Variants in RADIL observed in about 807,000 individuals in gnomAD.
The protein encoded by RADIL is ras-associating and dilute domain-containing protein.
Under a neutral mutation model 97.6 loss-of-function variants are expected in RADIL, and 99 were observed. That is an observed-to-expected ratio of 1.01 (90% CI 0.86 to 1.20). The LOEUF (loss-of-function observed/expected upper bound fraction) is 1.20. RADIL is among the 50% of genes most tolerant of loss of function. The pLI is 0.00. For missense variants in RADIL, 1,765 were observed against 1,498.9 expected, an observed-to-expected ratio of 1.18 and a Z score of -2.93; for synonymous variants, 803 against 691.8, an observed-to-expected ratio of 1.16 and a Z score of -2.52.
At chr7:4,808,545 A>G (rs548297326) in intron 9 of RADIL, 24 of 971,386 alleles carry the variant, frequency 2.5e-5, no homozygotes, top group Middle Eastern at 1.1e-3. Flanking sequence ...CAAAACAAAG[A>G]AGGAGATGGG....
chr7:4,849,490 C>T lies in RADIL; in HGVS notation c.536-12885G>A, dbSNP rs1189580413. Among the ~76,000 whole-genome samples the T allele has an allele frequency of 2.0e-5, 3 of 152,156 alleles. No homozygotes were observed. Among genetic ancestry groups the T allele is most frequent in the African/African-American group, 7.2e-5 (3 of 41,456 alleles). ...TGTATTCTGTGGAATGTCGGCCAGG[C>T]TGCAGCTGTGAGGCTACAGCTTGGT... is the stretch of plus-strand genomic sequence containing the variant. On this transcript the variant is annotated intron_variant, in intron 2 of 14. Transcript: ENST00000399583. This position sits in a 1 kb window ranked among gnomAD's most constrained non-coding sequence, Gnocchi z 5.4.
intron 2 of RADIL, among the ~76,000 whole-genome samples, chr7:4,866,839 G>C (rs562722520): frequency 4.9e-4 from 75 of 152,316 alleles, no homozygotes; most frequent in African/African-American, 1.4e-3. Context: ...AGGTGTTTGG[G>C]TCATGGGGAC....
chr7:4,848,358 T>A (rs540772127), intron 2 of RADIL, among the ~76,000 whole-genome samples: 191 of 149,902 alleles, frequency 1.3e-3, no homozygotes, highest in East Asian at 4.9e-3. Flanking sequence ...AAAAGTTTTT[T>A]AAAAAAAAAA....
Position 4,798,550 on chromosome 7 carries a change from C to G in RADIL, c.*828G>C, listed in dbSNP as rs79520630. 0.048 allele frequency: 7,260 copies of G among 152,798 alleles called. 302 individuals are homozygous for G. The highest frequency in any genetic ancestry group is 0.11 in the African/African-American group (4,621 of 41,578). 9.5% of individuals were successfully genotyped at this position (152,798 alleles called of 1,614,324 possible). A position where few individuals can be genotyped will look rare whatever the true frequency, so the allele number is the denominator to read the frequency against. On this transcript the variant is annotated 3_prime_UTR_variant, in exon 15 of 15. Coordinates refer to ENST00000399583, the MANE Select transcript of RADIL (RefSeq NM_018059.5). ...GACCCACGCTGTCACCCCGAGGCAG[C>G]AAGTGCCCTGCCCTGGTCCTGCGCA...
Position 4,836,556 on chromosome 7 carries a change from G to T in RADIL, c.585C>A (p.Thr195=), listed in dbSNP as rs1016382027. The T allele has an allele frequency of 2.5e-6, 4 of 1,607,656 alleles. No homozygotes were observed. Among genetic ancestry groups the T allele is most frequent in the Non-Finnish European group, 3.4e-6 (4 of 1,179,536 alleles). The change falls in exon 3 of 15, where the codon ACC becomes ACA. Residue 195 remains threonine (T), a synonymous_variant. Transcript: ENST00000399583. ...GGGCATCCCCCAGGGCCGGGGTCGG[G>T]GTTCCCTTCGCGCGACTCCGCTGCA... ...RRLQRSRAKG[T]PTPALGDARS... is the part of the protein sequence containing the mutation.
rs1562433858 is a variant in RADIL, at chr7:4,815,794, C to T, written c.1967-344G>A. 6.6e-6 allele frequency among the ~76,000 whole-genome samples: 1 copy of T among 152,148 alleles called. No homozygotes were observed. Among genetic ancestry groups the T allele is most frequent in the Non-Finnish European group, 1.5e-5 (1 of 68,014 alleles). ...TCCCCACGCCCCACAGTGGCCCTGGCTGGGAGTGGCCAGTGCTCCTGAGCC... is the reference window on the plus strand; with the variant it reads ...TCCCCACGCCCCACAGTGGCCCTGGTTGGGAGTGGCCAGTGCTCCTGAGCC... On this transcript the variant is annotated intron_variant, in intron 8 of 14. Coordinates refer to ENST00000399583, the MANE Select transcript of RADIL (RefSeq NM_018059.5). The surrounding 1 kb of genome is among the most constrained non-coding windows in gnomAD (Gnocchi z 8.0).
At chr7:4,832,049 G>A (rs1252602380) in intron 5 of RADIL, 92 bp downstream of exon 5, 9 of 1,384,278 alleles carry the variant, frequency 6.5e-6, no homozygotes, top group Non-Finnish European at 9.1e-6. Flanking sequence ...CCCAAGGCGT[G>A]GGGAGACCCC....
chr7:4,841,375 G>T (rs978089942), intron 2 of RADIL, among the ~76,000 whole-genome samples: 3 of 152,224 alleles, frequency 2.0e-5, no homozygotes, highest in African/African-American at 2.4e-5. Flanking sequence ...CAGCCAGGGA[G>T]GGGAGCCACT....
At position 4,880,877 on chromosome 7, in the gene RADIL, G is replaced by T. The variant is rs1431016337; in HGVS notation, c.-64-2674C>A. ...TTTAAAAGGCCAAGGCAGGAGAATGGCTTAAGGCCAGGAGTTCAAGACTAG... is the reference window on the plus strand; with the variant it reads ...TTTAAAAGGCCAAGGCAGGAGAATGTCTTAAGGCCAGGAGTTCAAGACTAG... On this transcript the variant is annotated intron_variant, in intron 1 of 14. Transcript: ENST00000399583. This position sits in a 1 kb window ranked among gnomAD's most constrained non-coding sequence, Gnocchi z 4.5. Among the ~76,000 whole-genome samples, 1 of 152,182 alleles carries T rather than the reference G, an allele frequency of 6.6e-6. No homozygotes were observed. Among genetic ancestry groups the T allele is most frequent in the African/African-American group, 2.4e-5 (1 of 41,440 alleles).
At chr7:4,833,994 G>T (rs1037753557) in intron 4 of RADIL, among the ~76,000 whole-genome samples, 1 of 152,150 alleles carries the variant, frequency 6.6e-6, no homozygotes, top group African/African-American at 2.4e-5. Context: ...TGAATCCTCT[G>T]CAATGCACAG....
chr7:4,859,645 ATGGACCCTTGAGGT>A, intron 2 of RADIL: 1 of 469,382 alleles, frequency 2.1e-6, no homozygotes, highest in East Asian at 3.8e-5. Context: ...GATATTGTTC[ATGGACCCTTGAGGT>A]TGTTTTTAAC....
chr7:4,801,936 G>A lies in RADIL; in HGVS notation c.2559C>T (p.Pro853=), dbSNP rs748494402. Residue 853 remains proline (P), a synonymous_variant, in exon 12 of 15, where the codon CCC becomes CCT. Coordinates refer to ENST00000399583, the MANE Select transcript of RADIL (RefSeq NM_018059.5). ...HLEAPSCPLA[P]RDPGPAAREV... ...CCCGGGCTGCTGGGCCAGGGTCCCT[G>A]GGAGCCAGGGGGCAGCTCGGGGCCT... 7.0e-6 allele frequency: 11 copies of A among 1,565,998 alleles called. No homozygotes were observed. The highest frequency in any genetic ancestry group is 6.8e-5 in the East Asian group (3 of 44,064).
chr7:4,820,006 G>T (rs936018078), intron 6 of RADIL, among the ~76,000 whole-genome samples: 1 of 152,238 alleles, frequency 6.6e-6, no homozygotes, highest in Non-Finnish European at 1.5e-5. Flanking sequence ...ACCAAACCCA[G>T]GCAGCCACGA....
intron 2 of RADIL, chr7:4,865,833 T>C: frequency 1.4e-6 from 1 of 724,848 alleles, no homozygotes; most frequent in Non-Finnish European, 2.5e-6. Context: ...GGGAGGTGAG[T>C]GAACCCCTTT....
At chr7:4,804,001 T>G in intron 10 of RADIL, 16 of 557,608 alleles carry the variant, frequency 2.9e-5, no homozygotes, top group East Asian at 6.6e-5. Flanking sequence ...CAAGGCCTTG[T>G]AGCCAGGAAC....
intron 11 of RADIL, among the ~76,000 whole-genome samples, chr7:4,803,060 G>T (rs1305144253): frequency 2.8e-5 from 2 of 70,438 alleles, no homozygotes; most frequent in Admixed American, 1.1e-4. Flanking sequence ...CGGGTACCTC[G>T]GGGCACGCTG....
chr7:4,809,193 G>A (rs1411566455), intron 9 of RADIL: 5 of 985,174 alleles, frequency 5.1e-6, no homozygotes, highest in Non-Finnish European at 6.0e-6. Context: ...CGCCTCCCCG[G>A]GCTGTCACTG....
In RADIL at chr7:4,834,738, C is replaced by T; in HGVS notation, c.1285G>A (p.Gly429Ser). The T allele has an allele frequency of 2.1e-6, 3 of 1,411,308 alleles. No homozygotes were observed. Among genetic ancestry groups the T allele is most frequent in the Non-Finnish European group, 2.8e-6 (3 of 1,075,370 alleles). The allele number at this position is 1,411,308 out of a possible 1,614,324, so 87.4% of individuals were successfully genotyped here. A position where few individuals can be genotyped will look rare whatever the true frequency, so the allele number is the denominator to read the frequency against. The change falls in exon 4 of 15, where the codon GGC (glycine) becomes AGC (serine). Residue 429 changes from glycine to serine, a missense_variant. Transcript: ENST00000399583. This position sits in a 1 kb window ranked among gnomAD's most constrained non-coding sequence, Gnocchi z 6.0. ...GCGGGGGTCAGCTTGTGGTCGTCGC[C>T]CCCCGGCTCGATCAACGTCATGATC... The part of the protein sequence containing the change: ...QRIMTLIEPG[G>S]DDHKLTPAFL...
Position 4,802,013 on chromosome 7 carries a change from G to C in RADIL, c.2500-18C>G. On this transcript the variant is annotated intron_variant, in intron 11 of 14. Transcript: ENST00000399583. ...TGCATACCCTAGGGAGAGGAAGGGT[G>C]ACAGCTCAGGTAGAGGAGTGGCCAG... The C allele has an allele frequency of 6.8e-7, 1 of 1,477,714 alleles. No individual in the cohort carries two copies. The highest frequency in any genetic ancestry group is 9.0e-7 in the Non-Finnish European group (1 of 1,113,244). The allele number at this position is 1,477,714 out of a possible 1,614,324, so 91.5% of individuals were successfully genotyped here. A position where few individuals can be genotyped will look rare whatever the true frequency, so the allele number is the denominator to read the frequency against.
Sources: allele counts gnomAD v4.1 joint callset (sites outside exome capture counted in the v4.1 genomes callset), GRCh38; gene constraint gnomAD v4.1.1; non-coding constraint Gnocchi (gnomAD v3.1); transcripts MANE v1.5; gene names NCBI Gene and HGNC (gene_info 2026-07-23, HGNC 2026-07-21).